LONP2: variants seen among roughly 807,000 people sequenced by gnomAD.
LONP2 encodes the protein lon protease homolog 2, peroxisomal.
In LONP2, 60 loss-of-function variants were observed where a neutral mutation model predicts 85.6. The observed-to-expected ratio is 0.70, with a 90% CI of 0.57 to 0.87. The LOEUF is 0.87. Among genes scored for constraint, LONP2 ranks in the 40% least tolerant of loss-of-function variants. The pLI is 0.00. For synonymous variants in LONP2, 395 were observed against 389.7 expected, an observed-to-expected ratio of 1.01 and a Z score of -0.16; for missense variants, 860 against 1,063.5, an observed-to-expected ratio of 0.81 and a Z score of 2.66.
chr16:48,276,240 G>A (rs1972205425), intron 7 of LONP2, among the ~76,000 whole-genome samples: 1 of 152,190 alleles, frequency 6.6e-6, no homozygotes, highest in Non-Finnish European at 1.5e-5. Context: ...CCGGATGAAA[G>A]GCATTCCCAT....
intron 12 of LONP2, among the ~76,000 whole-genome samples, chr16:48,336,705 A>G (rs1392857178): frequency 6.6e-6 from 1 of 152,172 alleles, no homozygotes; most frequent in African/African-American, 2.4e-5. Context: ...TGGGACAGAA[A>G]CAAATCACAA....
chr16:48,294,121 A>T (rs1490152444), intron 8 of LONP2, among the ~76,000 whole-genome samples: 1 of 151,890 alleles, frequency 6.6e-6, no homozygotes, highest in African/African-American at 2.4e-5. Flanking sequence ...ATTTTTTTTT[A>T]GTAGAGACAG....
At chr16:48,298,500 G>A (rs1335235573) in intron 9 of LONP2, among the ~76,000 whole-genome samples, 1 of 151,642 alleles carries the variant, frequency 6.6e-6, no homozygotes, top group Non-Finnish European at 1.5e-5. Flanking sequence ...CCATCATGTG[G>A]AGGAAAAAAC....
rs376855442 is a variant in LONP2, at chr16:48,330,919, G to A, written c.1796-3297G>A. On this transcript the variant is annotated intron_variant, in intron 11 of 14. Coordinates refer to ENST00000285737, the MANE Select transcript of LONP2 (RefSeq NM_031490.5). ...ACCCCACTCCCCCAGTGCTCAGAACGCTGAACCCCGTACTACACTTGGAAA... is the reference window on the plus strand; with the variant it reads ...ACCCCACTCCCCCAGTGCTCAGAACACTGAACCCCGTACTACACTTGGAAA... Among the ~76,000 whole-genome samples the A allele has an allele frequency of 7.2e-5, 11 of 152,234 alleles. No individual in the cohort carries two copies. The East Asian group carries it at 9.6e-4, about 13-fold the overall frequency.
intron 11 of LONP2, among the ~76,000 whole-genome samples, chr16:48,311,221 C>T (rs1169161329): frequency 6.6e-6 from 1 of 152,140 alleles, no homozygotes; most frequent in Non-Finnish European, 1.5e-5. Flanking sequence ...GGAAGGTTTT[C>T]TCAATTATTT....
intron 8 of LONP2, among the ~76,000 whole-genome samples, chr16:48,294,627 G>A (rs941091129): frequency 1.3e-5 from 2 of 151,908 alleles, no homozygotes; most frequent in Non-Finnish European, 2.9e-5. Context: ...TTAGCCAGGT[G>A]GGGTGGTACG....
intron 14 of LONP2, among the ~76,000 whole-genome samples, chr16:48,349,683 A>G (rs974851724): frequency 1.3e-5 from 2 of 152,222 alleles, no homozygotes; most frequent in East Asian, 3.8e-4. Flanking sequence ...GGGCTTTGGG[A>G]TTTGAAAGTG....
chr16:48,283,046 C>T (rs1472071414), intron 8 of LONP2, among the ~76,000 whole-genome samples: 2 of 152,202 alleles, frequency 1.3e-5, no homozygotes, highest in African/African-American at 2.4e-5. Flanking sequence ...AAGCCAACTA[C>T]AACATTCCCT....
In LONP2 at chr16:48,244,392, TC is replaced by T. The variant is rs1404586461; in HGVS notation, c.5del (p.Ser2TyrfsTer3). On this transcript the variant is annotated frameshift_variant, in exon 1 of 15. Coordinates refer to ENST00000285737, the MANE Select transcript of LONP2 (RefSeq NM_031490.5). LOFTEE classifies it high-confidence loss of function. ...CCCAGTGCGAAAGGCTGCCAGCATG[TC>T]ATCAGTGAGCCCCATCCAGATCCCC... is the stretch of plus-strand genomic sequence containing the variant. Reference protein sequence around the residue: MSSVSPIQIPSR... With the variant: MXSVSPIQIPSR... 6.5e-7 allele frequency: 1 copy of T among 1,547,320 alleles called. No individual in the cohort carries two copies. Among genetic ancestry groups the T allele is most frequent in the Non-Finnish European group, 8.7e-7 (1 of 1,151,730 alleles).
intron 3 of LONP2, among the ~76,000 whole-genome samples, chr16:48,257,951 AT>A (rs1373952327): frequency 3.9e-5 from 6 of 152,232 alleles, no homozygotes; most frequent in African/African-American, 1.4e-4. Flanking sequence ...TTTTGAACCT[AT>A]AATTTGTTTA....
chr16:48,330,657 A>G lies in LONP2; in HGVS notation c.1796-3559A>G, dbSNP rs1352000759. Among the ~76,000 whole-genome samples the G allele has an allele frequency of 2.0e-5, 3 of 152,110 alleles. No individual in the cohort carries two copies. In the East Asian group the frequency reaches 5.8e-4, roughly 29 times the overall value. ...GAAGATCCAGTGTTTCCCTACTCACACTTTGCATTACACACAGTCCAGGGG... is the reference window on the plus strand; with the variant it reads ...GAAGATCCAGTGTTTCCCTACTCACGCTTTGCATTACACACAGTCCAGGGG... On this transcript the variant is annotated intron_variant, in intron 11 of 14. Coordinates refer to ENST00000285737, the MANE Select transcript of LONP2 (RefSeq NM_031490.5).
At position 48,362,530 on chromosome 16, in the gene LONP2, C is replaced by A. The variant is rs1960634279; in HGVS notation, c.*667C>A. On this transcript the variant is annotated 3_prime_UTR_variant, in exon 5 of 5. Transcript: ENST00000565867. The surrounding 1 kb of genome is among the most constrained non-coding windows in gnomAD (Gnocchi z 4.2). ...CCATAAGTCCTTTTAAAGTTTCATA[C>A]AAAATTTACTGAGCAAAAGAGGAAG... 3 of 1,227,180 alleles carry A rather than the reference C, an allele frequency of 2.4e-6. No homozygotes were observed. The highest frequency in any genetic ancestry group is 3.4e-6 in the Non-Finnish European group (3 of 876,132). The allele number at this position is 1,227,180 out of a possible 1,614,324, so 76.0% of individuals were successfully genotyped here. A position where few individuals can be genotyped will look rare whatever the true frequency, so the allele number is the denominator to read the frequency against.
At chr16:48,360,949 G>A (rs1960559711), downstream of LONP2, 2 of 151,416 alleles carry the variant, frequency 1.3e-5, no homozygotes, top group African/African-American at 4.9e-5. Context: ...GATTAATGGG[G>A]GAAAAGAAAA....
intron 2 of LONP2, among the ~76,000 whole-genome samples, chr16:48,255,461 T>C (rs1971738961): frequency 6.6e-6 from 1 of 152,226 alleles, no homozygotes; most frequent in African/African-American, 2.4e-5. Flanking sequence ...GGGGAGTTTG[T>C]CAGTAGCCCT....
intron 8 of LONP2, among the ~76,000 whole-genome samples, chr16:48,291,429 T>C (rs567492767): frequency 6.6e-6 from 1 of 152,370 alleles, no homozygotes; most frequent in Non-Finnish European, 1.5e-5. Context: ...CCTACAGACA[T>C]CTATAGTTCT....
chr16:48,290,432 G>A (rs1487622238), intron 8 of LONP2, among the ~76,000 whole-genome samples: 3 of 152,030 alleles, frequency 2.0e-5, no homozygotes, highest in Non-Finnish European at 1.5e-5. Flanking sequence ...CAGATCCTAC[G>A]GGTTGAGCAC....
intron 12 of LONP2, among the ~76,000 whole-genome samples, chr16:48,341,820 C>G (rs972159108): frequency 6.6e-6 from 1 of 152,154 alleles, no homozygotes; most frequent in African/African-American, 2.4e-5. Flanking sequence ...GTGCAGGTGT[C>G]CCCAGGAAGC....
At chr16:48,311,162 G>T (rs886463682) in intron 11 of LONP2, among the ~76,000 whole-genome samples, 8 of 152,160 alleles carry the variant, frequency 5.3e-5, no homozygotes, top group Non-Finnish European at 7.3e-5. Flanking sequence ...TTTGGCTGGA[G>T]TTTGTTGAGC....
chr16:48,264,691 T>G (rs955241284), intron 6 of LONP2, among the ~76,000 whole-genome samples: 2 of 152,214 alleles, frequency 1.3e-5, no homozygotes, highest in Non-Finnish European at 1.5e-5. Flanking sequence ...GAGGAAGTGA[T>G]AAGTGTCCAT....
Sources: allele counts gnomAD v4.1 joint callset (sites outside exome capture counted in the v4.1 genomes callset), GRCh38; gene constraint gnomAD v4.1.1; non-coding constraint Gnocchi (gnomAD v3.1); transcripts MANE v1.5; gene names NCBI Gene and HGNC (gene_info 2026-07-23, HGNC 2026-07-21).